Variants in PEDS1 observed in about 807,000 individuals in gnomAD.
The protein encoded by PEDS1 is CarF homolog.
A neutral mutation model predicts 35.2 loss-of-function variants in PEDS1; 14 were observed. The ratio of observed to expected loss-of-function variants is 0.40; its 90% CI spans 0.26 to 0.62. PEDS1 has a LOEUF of 0.62. Among genes scored for constraint, PEDS1 ranks in the 20% least tolerant of loss-of-function variants. The pLI is 0.44. For synonymous variants in PEDS1, 152 were observed against 152.0 expected (o/e 1.00, Z 0.00); for missense variants, 260 against 367.8 (o/e 0.71, Z 2.40).
chr20:50,146,694 G>A (rs1198540923), intron 1 of PEDS1, among the ~76,000 whole-genome samples: 5 of 152,154 alleles, frequency 3.3e-5, no homozygotes, highest in East Asian at 3.8e-4. Context: ...GAAGGGGAAC[G>A]GAACACACCA....
At chr20:50,148,213 TC>T (rs1459285135) in intron 1 of PEDS1, among the ~76,000 whole-genome samples, 39 of 152,342 alleles carry the variant, frequency 2.6e-4, no homozygotes, top group Non-Finnish European at 5.9e-5. Context: ...CTCTGTCCCA[TC>T]CTTCAGAGAG....
At chr20:50,151,441 G>A (rs2081401735) in intron 1 of PEDS1, 2 of 525,378 alleles carry the variant, frequency 3.8e-6, no homozygotes, top group East Asian at 1.4e-4. Flanking sequence ...AGGGTTCACA[G>A]GAGCAGGCAG....
chr20:50,142,856 G>C (rs1036217303), intron 2 of PEDS1, among the ~76,000 whole-genome samples: 1 of 152,076 alleles, frequency 6.6e-6, no homozygotes, highest in African/African-American at 2.4e-5. Context: ...TCTAGGCACA[G>C]AGAATGGCAC....
intron 1 of PEDS1, 22 bp downstream of exon 1, chr20:50,153,495 G>A (rs2081427180): frequency 2.2e-6 from 3 of 1,344,256 alleles, no homozygotes; most frequent in East Asian, 3.1e-5. Context: ...CGCAGGCCTG[G>A]AGGGGGGCCC....
intron 2 of PEDS1, among the ~76,000 whole-genome samples, chr20:50,137,428 CTG>C (rs2081248362): frequency 6.6e-6 from 1 of 152,316 alleles, no homozygotes; most frequent in South Asian, 2.1e-4. Context: ...TGTTGACAGT[CTG>C]TACTTTTGCT....
intron 1 of PEDS1, among the ~76,000 whole-genome samples, chr20:50,145,257 C>G (rs553045517): frequency 3.7e-4 from 56 of 152,008 alleles, no homozygotes; most frequent in Middle Eastern, 3.4e-3. Context: ...GGGTTAGGCC[C>G]AGTGGCTTAC....
rs2081039341 is a variant in PEDS1, at chr20:50,120,259, T to C, written c.*4799A>G. 5.5e-6 allele frequency: 1 copy of C among 182,428 alleles called. No individual in the cohort carries two copies. The highest frequency in any genetic ancestry group is 1.1e-5 in the Non-Finnish European group (1 of 93,294). 11.3% of individuals were successfully genotyped at this position (182,428 alleles called of 1,614,324 possible). ...CAGCCTGGACAACAGAGCAAGACCC[T>C]GTCTCTAAAAAACAAACAAACAAAC... On this transcript the variant is annotated 3_prime_UTR_variant, in exon 6 of 6. Coordinates refer to ENST00000371652, the MANE Select transcript of PEDS1 (RefSeq NM_199129.4).
intron 2 of PEDS1, among the ~76,000 whole-genome samples, chr20:50,139,793 G>C (rs760476879): frequency 6.7e-6 from 1 of 149,998 alleles, no homozygotes; most frequent in Non-Finnish European, 1.5e-5. Context: ...AATTTCTCCT[G>C]TCTCAGCCTC....
At position 50,143,530 on chromosome 20, in the gene PEDS1, C is replaced by G. The variant is rs1348883022; in HGVS notation, c.213G>C (p.Glu71Asp). 1 of 1,611,784 alleles carries G rather than the reference C, an allele frequency of 6.2e-7. No homozygotes were observed. The highest frequency in any genetic ancestry group is 2.2e-5 in the East Asian group (1 of 44,798). ...LVHLLLLARWEDTPLVILGVV... is the reference protein window; with the variant it reads ...LVHLLLLARWDDTPLVILGVV... Reference sequence around the variant, plus strand: ...CACCGAGTATGACGAGGGGTGTGTCCTCCCAGCGGGCCAGCAGCAGGAGAT... The same window carrying G: ...CACCGAGTATGACGAGGGGTGTGTCGTCCCAGCGGGCCAGCAGCAGGAGAT... The change falls in exon 2 of 6, where the codon GAG (glutamate) becomes GAC (aspartate). Residue 71 changes from glutamate to aspartate, a missense_variant. Physicochemically the swap from Glu to Asp is conservative, Grantham distance 45. This residue lies in a region of PEDS1 where 114 missense variants were observed against 121.6 expected (regional missense o/e 0.94). Transcript: ENST00000371652.
chr20:50,123,800 CTT>C lies in PEDS1; in HGVS notation c.*1256_*1257del, dbSNP rs1263424580. ...ATGTGCATTTATTTGTTTATTGACT[CTT>C]TTCCCAGGAGGTCAGCTCCACCAGG... is the stretch of plus-strand genomic sequence containing the variant. On this transcript the variant is annotated 3_prime_UTR_variant, in exon 6 of 6. Coordinates refer to ENST00000371652, the MANE Select transcript of PEDS1 (RefSeq NM_199129.4). 1 of 151,042 alleles carries C rather than the reference CTT, an allele frequency of 6.6e-6. No individual in the cohort carries two copies. 9.4% of individuals were successfully genotyped at this position (151,042 alleles called of 1,614,324 possible).
At chr20:50,148,910 A>T (rs920422423) in intron 1 of PEDS1, among the ~76,000 whole-genome samples, 2 of 152,150 alleles carry the variant, frequency 1.3e-5, no homozygotes, top group Non-Finnish European at 1.5e-5. Flanking sequence ...CAGGAGTTGG[A>T]GACCAGCCTG....
intron 1 of PEDS1, chr20:50,151,263 G>A (rs1171692001): frequency 1.5e-6 from 2 of 1,304,216 alleles, no homozygotes; most frequent in African/African-American, 3.0e-5. Flanking sequence ...GGGGCACCAG[G>A]CTGTCTGCAG....
chr20:50,140,552 T>C (rs1351910678), intron 2 of PEDS1, among the ~76,000 whole-genome samples: 1 of 152,100 alleles, frequency 6.6e-6, no homozygotes, highest in Non-Finnish European at 1.5e-5. Flanking sequence ...TTGCATTTGC[T>C]CTTCCCTGTG....
At chr20:50,143,462 T>G (rs1158230593) in intron 2 of PEDS1, 40 bp downstream of exon 2, 2 of 1,580,056 alleles carry the variant, frequency 1.3e-6, no homozygotes, top group South Asian at 2.3e-5. Context: ...CCCTGGCCCC[T>G]AGGGAAGTTG....
At chr20:50,151,358 T>C in intron 1 of PEDS1, 1 of 1,221,478 alleles carries the variant, frequency 8.2e-7, no homozygotes, top group South Asian at 1.3e-5. Flanking sequence ...TTGATCGTGG[T>C]GGAGTGGGGA....
chr20:50,131,912 G>A (rs1346210961), intron 2 of PEDS1, among the ~76,000 whole-genome samples: 1 of 152,066 alleles, frequency 6.6e-6, no homozygotes, highest in Non-Finnish European at 1.5e-5. Flanking sequence ...TTGTAAAATG[G>A]GAATGATGCG....
chr20:50,137,715 G>C (rs757519632), intron 2 of PEDS1, among the ~76,000 whole-genome samples: 5 of 152,076 alleles, frequency 3.3e-5, no homozygotes, highest in African/African-American at 7.2e-5. Flanking sequence ...TACTAAAAAC[G>C]CAAAAATTAG....
At position 50,122,675 on chromosome 20, in the gene PEDS1, A is replaced by T. The variant is rs977039795; in HGVS notation, c.*2383T>A. 1.3e-5 allele frequency: 2 copies of T among 152,192 alleles called. No individual in the cohort carries two copies. Among genetic ancestry groups the T allele is most frequent in the Admixed American group, 1.3e-4 (2 of 15,282 alleles). 9.4% of individuals were successfully genotyped at this position (152,192 alleles called of 1,614,324 possible). A position where few individuals can be genotyped will look rare whatever the true frequency, so the allele number is the denominator to read the frequency against. ...CAACAGGCTTTCTTTTTTCTGGCTA[A>T]TATTGCAGAAACTATCTAGCCTAGA... On this transcript the variant is annotated 3_prime_UTR_variant, in exon 6 of 6. Transcript: ENST00000371652.
chr20:50,149,898 C>T (rs1159708878), intron 1 of PEDS1, among the ~76,000 whole-genome samples: 2 of 152,170 alleles, frequency 1.3e-5, no homozygotes, highest in Admixed American at 1.3e-4. Context: ...CCCGGTGCCC[C>T]GCCGTATGAC....
Sources: allele counts gnomAD v4.1 joint callset (sites outside exome capture counted in the v4.1 genomes callset), GRCh38; gene constraint gnomAD v4.1.1; regional missense constraint gnomAD v4.1.1; transcripts MANE v1.5; gene names NCBI Gene and HGNC (gene_info 2026-07-23, HGNC 2026-07-21).